The following EDA variants were observed in gnomAD, a reference collection of about 807,000 sequenced individuals.
EDA encodes ectodysplasin-A.
In EDA, 2 loss-of-function variants were observed where a neutral mutation model predicts 23.6. The ratio of observed to expected loss-of-function variants is 0.08; its 90% CI spans 0.03 to 0.27. The LOEUF (loss-of-function observed/expected upper bound fraction) is 0.27. Among genes scored for constraint, EDA ranks in the 10% least tolerant of loss-of-function variants. The probability of loss-of-function intolerance (pLI) is 1.00; values close to 1 mark genes in which losing one functional copy is unlikely to be tolerated. For missense variants in EDA, 229 were observed against 324.2 expected (o/e 0.71, Z 2.26); for synonymous variants, 131 against 132.0 (o/e 0.99, Z 0.05).
chrX:69,698,799 T>C (rs1368602373), intron 1 of EDA, among the ~76,000 whole-genome samples: 1 of 110,939 alleles, frequency 9.0e-6, no homozygotes, highest in African/African-American at 3.3e-5. Context: ...TTCCCAAGGA[T>C]GTAGAGACGC....
At chrX:70,020,669 A>T (rs2020021595) in intron 2 of EDA, among the ~76,000 whole-genome samples, 1 of 112,743 alleles carries the variant, frequency 8.9e-6, no homozygotes, top group African/African-American at 3.2e-5. Context: ...GCTTATAAAC[A>T]TACATTGTTT....
intron 1 of EDA, among the ~76,000 whole-genome samples, chrX:69,724,726 A>AGG (rs113278765): frequency 0.017 from 1,944 of 112,212 alleles, 47 homozygotes; most frequent in African/African-American, 0.06. Context: ...AAATCCACAA[A>AGG]GGGGAGAAAT....
intron 1 of EDA, among the ~76,000 whole-genome samples, chrX:69,910,938 G>T (rs2018257816): frequency 9.0e-6 from 1 of 111,676 alleles, no homozygotes; most frequent in African/African-American, 3.3e-5. Context: ...GTTAGAATGA[G>T]TAACATTTTC....
At chrX:69,837,313 A>G (rs1196229677) in intron 1 of EDA, among the ~76,000 whole-genome samples, 1 of 111,811 alleles carries the variant, frequency 8.9e-6, no homozygotes, top group African/African-American at 3.3e-5. Context: ...GTGCTGCCTC[A>G]CAACCACTGT....
chrX:69,802,850 C>G (rs1569337628), intron 1 of EDA, among the ~76,000 whole-genome samples: 1 of 111,901 alleles, frequency 8.9e-6, no homozygotes, highest in Non-Finnish European at 1.9e-5. Context: ...TAAAGTAAAA[C>G]TTACAATGTC....
chrX:69,674,108 T>TATCTATCTATC (rs2147270875), intron 1 of EDA, among the ~76,000 whole-genome samples: 1 of 99,694 alleles, frequency 1.0e-5, no homozygotes, highest in African/African-American at 4.7e-5. Context: ...AAAGCCTATC[T>TATCTATCTATC]ATCTATCTAT....
intron 1 of EDA, among the ~76,000 whole-genome samples, chrX:69,871,428 A>T (rs1223199230): frequency 6.3e-5 from 7 of 111,699 alleles, no homozygotes. Flanking sequence ...AGCCAGCCTG[A>T]GTCCCAAAAC....
intron 1 of EDA, among the ~76,000 whole-genome samples, chrX:69,912,587 G>A (rs2018281093): frequency 9.0e-6 from 1 of 110,949 alleles, no homozygotes; most frequent in Non-Finnish European, 1.9e-5. Flanking sequence ...GGGTGACCAG[G>A]CATATTGTCC....
intron 1 of EDA, among the ~76,000 whole-genome samples, chrX:69,896,398 AGTGTGTGTGTGT>A (rs373119823): frequency 2.1e-5 from 2 of 97,309 alleles, no homozygotes; most frequent in Non-Finnish European, 4.1e-5. Context: ...TATGTGCATC[AGTGTGTGTGTGT>A]GTGTGTGTGT....
At chrX:69,692,276 G>C (rs1471203730) in intron 1 of EDA, among the ~76,000 whole-genome samples, 3 of 111,499 alleles carry the variant, frequency 2.7e-5, no homozygotes, top group Non-Finnish European at 5.7e-5. Context: ...GTTATGATTA[G>C]GTTATGATAG....
intron 2 of EDA, among the ~76,000 whole-genome samples, chrX:69,987,128 G>A (rs2019504712): frequency 1.2e-5 from 1 of 81,650 alleles, no homozygotes; most frequent in South Asian, 7.5e-4. Context: ...CTGTGGTGGG[G>A]TCGGGGGAGG....
At chrX:69,948,134 G>A (rs2018861050) in intron 1 of EDA, among the ~76,000 whole-genome samples, 1 of 112,272 alleles carries the variant, frequency 8.9e-6, no homozygotes, top group South Asian at 3.7e-4. Flanking sequence ...GAGGGGATCT[G>A]TTCTGCCCCA....
At position 70,023,200 on chromosome X, in the gene EDA, AT is replaced by A; in HGVS notation, c.503-14del. The A allele has an allele frequency of 9.7e-7, 1 of 1,035,550 alleles. No homozygotes were observed. Among genetic ancestry groups the A allele is most frequent in the Non-Finnish European group, 1.3e-6 (1 of 741,017 alleles). 85.3% of individuals were successfully genotyped at this position (1,035,550 alleles called of 1,213,427 possible). ...TTCATTTCCAATGACTTAATTATCTATTTTATTTTTCTTATAGGCCCAGTTA... is the reference window on the plus strand; with the variant it reads ...TTCATTTCCAATGACTTAATTATCTATTTATTTTTCTTATAGGCCCAGTTA... On this transcript the variant is annotated splice_polypyrimidine_tract_variant and intron_variant, in intron 2 of 7. Transcript: ENST00000374552.
At chrX:69,862,645 C>G (rs1366047661) in intron 1 of EDA, among the ~76,000 whole-genome samples, 2 of 111,057 alleles carry the variant, frequency 1.8e-5, no homozygotes, top group East Asian at 2.8e-4. Context: ...CAGGATCTCT[C>G]TATGTTGCCC....
intron 1 of EDA, among the ~76,000 whole-genome samples, chrX:69,725,767 G>T (rs1200683911): frequency 8.9e-6 from 1 of 112,161 alleles, no homozygotes; most frequent in Non-Finnish European, 1.9e-5. Flanking sequence ...CGGACTAACT[G>T]GTATCAGACC....
At chrX:69,816,880 A>G (rs2016093599) in intron 1 of EDA, among the ~76,000 whole-genome samples, 1 of 110,959 alleles carries the variant, frequency 9.0e-6, no homozygotes, top group Non-Finnish European at 1.9e-5. Flanking sequence ...ATACCCCACG[A>G]GAAGATTGAC....
At chrX:69,921,967 TC>T (rs2018442503) in intron 1 of EDA, among the ~76,000 whole-genome samples, 1 of 111,182 alleles carries the variant, frequency 9.0e-6, no homozygotes, top group African/African-American at 3.3e-5. Flanking sequence ...TCCCTCCTCC[TC>T]CACATACCTC....
At chrX:69,788,460 A>G (rs2015277040) in intron 1 of EDA, among the ~76,000 whole-genome samples, 1 of 111,297 alleles carries the variant, frequency 9.0e-6, no homozygotes, top group African/African-American at 3.3e-5. Flanking sequence ...TGATGTACAG[A>G]TGGGTTTTTG....
chrX:69,752,272 A>T (rs758705501), intron 1 of EDA, among the ~76,000 whole-genome samples: 4 of 111,410 alleles, frequency 3.6e-5, no homozygotes, highest in Non-Finnish European at 3.8e-5. Context: ...GTTTATTGAG[A>T]GTTTTTAGCA....
Sources: gnomAD v4.1 joint callset for allele counts (sites outside exome capture counted in the v4.1 genomes callset) on GRCh38, gnomAD v4.1.1 for gene constraint, MANE v1.5 for transcripts, NCBI Gene and HGNC (gene_info 2026-07-23, HGNC 2026-07-21) for gene names.